The following CEP290 variants were observed in gnomAD, a reference collection of about 807,000 sequenced individuals.
CEP290 encodes centrosomal protein of 290 kDa.
In CEP290, 317 loss-of-function variants were observed where a neutral mutation model predicts 344.9. That is an observed-to-expected ratio of 0.92 (90% CI 0.84 to 1.01). The LOEUF (loss-of-function observed/expected upper bound fraction) is 1.01, where lower values mean the gene tolerates loss of function less well. CEP290 is among the 50% of genes least tolerant of loss of function. The pLI is 0.00. For synonymous variants in CEP290, 932 were observed against 895.8 expected, an observed-to-expected ratio of 1.04 and a Z score of -0.72; for missense variants, 2,754 against 2,761.4, an observed-to-expected ratio of 1.00 and a Z score of 0.06.
chr12:88,123,811 A>T (rs1403815712), intron 13 of CEP290, among the ~76,000 whole-genome samples: 2 of 152,070 alleles, frequency 1.3e-5, no homozygotes, highest in Non-Finnish European at 2.9e-5. Flanking sequence ...ATGTCTAATA[A>T]GCATCTCAAA....
At chr12:88,111,923 T>C (rs1467535866) in intron 20 of CEP290, 65 bp from the exon 21 acceptor site, 1 of 1,180,656 alleles carries the variant, frequency 8.5e-7, no homozygotes, top group Non-Finnish European at 1.1e-6. Flanking sequence ...TAAAAAACAG[T>C]CTGTCTTTAA....
chr12:88,068,403 T>C (rs1333494014), intron 44 of CEP290, 119 bp downstream of exon 44: 1 of 576,528 alleles, frequency 1.7e-6, no homozygotes, highest in Admixed American at 4.3e-5. Flanking sequence ...TTGAATTTAC[T>C]GTATTACTAT....
At chr12:88,053,527 A>C (rs2033735119) in intron 52 of CEP290, 125 bp downstream of exon 52, 4 of 622,528 alleles carry the variant, frequency 6.4e-6, no homozygotes, top group Non-Finnish European at 1.2e-5. Context: ...AAAGACCCAA[A>C]GCTTATCAGG....
rs1302904579 is a variant in CEP290, at chr12:88,071,920, T to C, written c.5716A>G (p.Lys1906Glu). The C allele has an allele frequency of 6.3e-7, 1 of 1,588,034 alleles. No homozygotes were observed. Residue 1906 changes from lysine (K) to glutamate (E), a missense_variant, in exon 42 of 54, where the codon AAA becomes GAA. Lys to Glu is a moderately conservative substitution (Grantham distance 56, BLOSUM62 1). Transcript: ENST00000552810. ...TCTTCCCACCTAATTAATTCTTCTTTAGCATTCTGTAACAATAACGAAGGA... is the reference window on the plus strand; with the variant it reads ...TCTTCCCACCTAATTAATTCTTCTTCAGCATTCTGTAACAATAACGAAGGA... ...DLKPMKEKNA[K>E]EELIRWEEGK...
At chr12:88,102,749 T>G in intron 26 of CEP290, 89 bp downstream of exon 26, 1 of 1,000,874 alleles carries the variant, frequency 1.0e-6, no homozygotes, top group Admixed American at 2.7e-5. Context: ...CAGGCAAACT[T>G]TAATTAAAAT....
chr12:88,136,612 T>C, intron 6 of CEP290, 31 bp downstream of exon 6: 3 of 1,609,506 alleles, frequency 1.9e-6, no homozygotes, highest in Non-Finnish European at 2.6e-6. Flanking sequence ...ACTTGAACAG[T>C]GAAGATTCAT....
chr12:88,140,584 A>G (rs766703055), intron 3 of CEP290, among the ~76,000 whole-genome samples: 18 of 152,166 alleles, frequency 1.2e-4, no homozygotes, highest in Non-Finnish European at 2.1e-4. Flanking sequence ...ATTGCCTTCC[A>G]CTTATCTAAC....
chr12:88,131,200 C>T lies in CEP290; in HGVS notation c.460G>A (p.Glu154Lys), dbSNP rs1289983971. 2 of 1,514,958 alleles carry T rather than the reference C, an allele frequency of 1.3e-6. No individual in the cohort carries two copies. The highest frequency in any genetic ancestry group is 8.8e-7 in the Non-Finnish European group (1 of 1,137,258). 93.8% of individuals were successfully genotyped at this position (1,514,958 alleles called of 1,614,324 possible). A position where few individuals can be genotyped will look rare whatever the true frequency, so the allele number is the denominator to read the frequency against. ...AATTTGCTGTTTTCATTTTCTGCCT[C>T]CTCATTTCGAAGAGCCAACTAAAAT... ...VNEQLALRNE[E>K]AENENSKLRR... The change falls in exon 7 of 54, where the codon GAG becomes AAG. Residue 154 changes from glutamate to lysine, a missense_variant. By Grantham distance (56) the Glu-to-Lys change is moderately conservative. Transcript: ENST00000552810.
At chr12:88,108,995 A>G in intron 23 of CEP290, 71 bp downstream of exon 23, 1 of 552,508 alleles carries the variant, frequency 1.8e-6, no homozygotes, top group Non-Finnish European at 3.1e-6. Context: ...AACATAAATT[A>G]TTCTTACGTT....
intron 32 of CEP290, among the ~76,000 whole-genome samples, chr12:88,087,504 A>G (rs889957465): frequency 6.6e-6 from 1 of 151,954 alleles, no homozygotes; most frequent in African/African-American, 2.4e-5. Flanking sequence ...GCGGATCATG[A>G]GGTCAGGAGA....
At chr12:88,053,199 G>A (rs536926120) in intron 52 of CEP290, among the ~76,000 whole-genome samples, 9 of 152,204 alleles carry the variant, frequency 5.9e-5, no homozygotes, top group African/African-American at 1.7e-4. Context: ...GCAGGAATGA[G>A]GAATGATTAG....
At chr12:88,092,891 T>A in intron 28 of CEP290, 59 bp from the exon 29 acceptor site, 2 of 1,518,850 alleles carry the variant, frequency 1.3e-6, no homozygotes, top group African/African-American at 1.4e-5. Flanking sequence ...GTTTTCTTTG[T>A]AATTTAGCTT....
intron 6 of CEP290, 33 bp downstream of exon 6, chr12:88,136,610 A>G: frequency 6.2e-7 from 1 of 1,607,050 alleles, no homozygotes; most frequent in South Asian, 1.1e-5. Flanking sequence ...TAACTTGAAC[A>G]GTGAAGATTC....
Position 88,077,911 on chromosome 12 carries a change from A to G in CEP290, c.5372T>C (p.Val1791Ala). The change falls in exon 40 of 54, where the codon GTT becomes GCT. Residue 1791 changes from valine (V) to alanine (A), a missense_variant. Val to Ala is a moderately conservative substitution (Grantham distance 64, BLOSUM62 0). Transcript: ENST00000552810. ...DRHTRELKTQVEDLNENLLKL... is the reference protein window; with the variant it reads ...DRHTRELKTQAEDLNENLLKL... ...TAAAAGATTTTCATTTAAATCTTCA[A>G]CTTGTGTCTAATAAGAGAAAAAGAA... 7.9e-7 allele frequency: 1 copy of G among 1,273,130 alleles called. No homozygotes were observed. Among genetic ancestry groups the G allele is most frequent in the Non-Finnish European group, 1.1e-6 (1 of 923,674 alleles). The allele number at this position is 1,273,130 out of a possible 1,614,324, so 78.9% of individuals were successfully genotyped here.
chr12:88,072,725 C>A (rs1485481375), intron 41 of CEP290, among the ~76,000 whole-genome samples: 11 of 152,052 alleles, frequency 7.2e-5, no homozygotes, highest in Admixed American at 7.2e-4. Flanking sequence ...TTATTTAGTG[C>A]TAACCATGTG....
At chr12:88,122,800 T>A (rs1284761666) in intron 13 of CEP290, among the ~76,000 whole-genome samples, 1 of 152,122 alleles carries the variant, frequency 6.6e-6, no homozygotes, top group Non-Finnish European at 1.5e-5. Context: ...TAGAAATACA[T>A]ATATATATCG....
intron 41 of CEP290, among the ~76,000 whole-genome samples, chr12:88,076,317 G>T (rs150331364): frequency 6.6e-6 from 1 of 152,068 alleles, no homozygotes; most frequent in Non-Finnish European, 1.5e-5. Flanking sequence ...ACTCTATTAA[G>T]AAATTTGAAT....
At chr12:88,097,300 T>C (rs1180879518) in intron 26 of CEP290, among the ~76,000 whole-genome samples, 7 of 152,040 alleles carry the variant, frequency 4.6e-5, no homozygotes. Flanking sequence ...GGTAATTGAA[T>C]CGTGGGGGTG....
At position 88,125,303 on chromosome 12, in the gene CEP290, T is replaced by C. The variant is rs2039662149; in HGVS notation, c.1132A>G (p.Met378Val). 1.6e-6 allele frequency: 2 copies of C among 1,215,618 alleles called. No individual in the cohort carries two copies. The highest frequency in any genetic ancestry group is 1.6e-5 in the African/African-American group (1 of 63,634). 75.3% of individuals were successfully genotyped at this position (1,215,618 alleles called of 1,614,324 possible). The change falls in exon 13 of 54, where the codon ATG (methionine) becomes GTG (valine). Residue 378 changes from methionine to valine, a missense_variant. Transcript: ENST00000552810. The part of the protein sequence containing the change: ...TEQVEQYTKE[M>V]EKNTCIIEDL... ...TCAATAATACAAGTATTCTTTTCCA[T>C]TTCTTTTGTATATTGTTCTACTTGT...
Sources: allele counts gnomAD v4.1 joint callset (sites outside exome capture counted in the v4.1 genomes callset), GRCh38; gene constraint gnomAD v4.1.1; transcripts MANE v1.5; gene names NCBI Gene and HGNC (gene_info 2026-07-23, HGNC 2026-07-21).